The following RAI2 variants were observed in gnomAD, a reference collection of about 807,000 sequenced individuals.
The protein encoded by RAI2 is retinoic acid induced 2.
In RAI2, 5 loss-of-function variants were observed where a neutral mutation model predicts 15.3. The observed-to-expected ratio is 0.33, with a 90% CI of 0.17 to 0.69. RAI2 has a LOEUF of 0.69. RAI2 is among the 30% of genes least tolerant of loss of function. The pLI is 0.69. For synonymous variants in RAI2, 191 were observed against 184.0 expected (o/e 1.04, Z -0.31); for missense variants, 424 against 424.7 (o/e 1.00, Z 0.01).
At chrX:17,821,254 TCAA>T (rs1460677320) in intron 1 of RAI2, among the ~76,000 whole-genome samples, 1 of 111,997 alleles carries the variant, frequency 8.9e-6, no homozygotes, top group Non-Finnish European at 1.9e-5. Context: ...GTCCCCCGAC[TCAA>T]CAACATGTAG....
intron 1 of RAI2, among the ~76,000 whole-genome samples, chrX:17,819,577 A>T (rs2067142696): frequency 8.9e-6 from 1 of 112,768 alleles, no homozygotes; most frequent in African/African-American, 3.2e-5. Context: ...ACAAAATGGA[A>T]GCAACCTAAA....
intron 1 of RAI2, among the ~76,000 whole-genome samples, chrX:17,827,976 C>T (rs772621878): frequency 1.8e-5 from 2 of 110,663 alleles, no homozygotes; most frequent in East Asian, 5.7e-4. Flanking sequence ...ACAATTCTGT[C>T]CCTGTTGCCA....
chrX:17,800,247 T>C lies in RAI2; in HGVS notation c.*171A>G, dbSNP rs1456958173. On this transcript the variant is annotated 3_prime_UTR_variant, in exon 2 of 2. Coordinates refer to ENST00000451717, the MANE Select transcript of RAI2 (RefSeq NM_021785.6). ...TTACTCATTTGTGAAAAGTCAAAAA[T>C]TAAAAAAGAAAATGATACTAGCATA... The C allele has an allele frequency of 2.2e-5, 14 of 634,262 alleles. No individual in the cohort carries two copies. In the East Asian group the frequency reaches 5.3e-4, roughly 24 times the overall value. The allele number at this position is 634,262 out of a possible 1,213,427, so 52.3% of individuals were successfully genotyped here. A position where few individuals can be genotyped will look rare whatever the true frequency, so the allele number is the denominator to read the frequency against.
rs750222815 is a variant in RAI2, at chrX:17,802,937, G to A, written c.-24-903C>T. On this transcript the variant is annotated intron_variant, in intron 1 of 1. Coordinates refer to ENST00000451717, the MANE Select transcript of RAI2 (RefSeq NM_021785.6). ...TCCTGGTGGAAGCAGGGCTGCAGAT[G>A]CGATAGGGCTCTCCATGGAAACCTG... is the stretch of plus-strand genomic sequence containing the variant. 9.8e-5 allele frequency among the ~76,000 whole-genome samples: 11 copies of A among 111,908 alleles called. No homozygotes were observed. In the Admixed American group the frequency reaches 1.0e-3, roughly 11 times the overall value.
At position 17,800,405 on chromosome X, in the gene RAI2, A is replaced by T; in HGVS notation, c.*13T>A. 2.6e-6 allele frequency: 3 copies of T among 1,167,555 alleles called. No individual in the cohort carries two copies. Among genetic ancestry groups the T allele is most frequent in the Non-Finnish European group, 3.4e-6 (3 of 873,528 alleles). ...CCCATATTATAATCATACAAATTTT[A>T]AAAAGCCGTTATTTACTTTCTTGGA... On this transcript the variant is annotated 3_prime_UTR_variant, in exon 2 of 2. Transcript: ENST00000451717.
intron 1 of RAI2, among the ~76,000 whole-genome samples, chrX:17,844,213 C>T (rs1395092343): frequency 1.8e-5 from 2 of 112,478 alleles, no homozygotes; most frequent in Non-Finnish European, 3.8e-5. Context: ...ATGAAACCTA[C>T]GAAGAAGAGA....
chrX:17,803,513 A>G (rs1004309054), intron 1 of RAI2, among the ~76,000 whole-genome samples: 1 of 110,406 alleles, frequency 9.1e-6, no homozygotes, highest in Non-Finnish European at 1.9e-5. Context: ...CCTGGGTGAC[A>G]GAGTGAGACT....
chrX:17,841,956 G>A (rs2067402883), intron 1 of RAI2, among the ~76,000 whole-genome samples: 1 of 111,172 alleles, frequency 9.0e-6, no homozygotes, highest in African/African-American at 3.3e-5. Context: ...AAGTGCTCTA[G>A]GGCCCCAAGG....
chrX:17,813,368 G>A (rs1161510139), intron 1 of RAI2, among the ~76,000 whole-genome samples: 2 of 111,912 alleles, frequency 1.8e-5, no homozygotes, highest in Non-Finnish European at 3.8e-5. Flanking sequence ...TGATAAGGCT[G>A]AAGTATTATG....
chrX:17,809,576 T>A (rs752468626), intron 1 of RAI2, among the ~76,000 whole-genome samples: 1 of 111,646 alleles, frequency 9.0e-6, no homozygotes, highest in South Asian at 3.7e-4. Flanking sequence ...GGCATATAAA[T>A]CTAATTATAT....
At chrX:17,808,825 T>C (rs1441269093) in intron 1 of RAI2, among the ~76,000 whole-genome samples, 1 of 111,963 alleles carries the variant, frequency 8.9e-6, no homozygotes, top group Non-Finnish European at 1.9e-5. Flanking sequence ...CTAACCTAAT[T>C]CTGCATAAAA....
chrX:17,846,473 A>T (rs1038227330), intron 1 of RAI2, among the ~76,000 whole-genome samples: 2 of 111,988 alleles, frequency 1.8e-5, no homozygotes, highest in Admixed American at 9.4e-5. Flanking sequence ...TGACCTATTT[A>T]AAGCGTATGT....
intron 1 of RAI2, among the ~76,000 whole-genome samples, chrX:17,853,307 C>T (rs984372789): frequency 2.7e-5 from 3 of 111,829 alleles, no homozygotes; most frequent in African/African-American, 9.7e-5. Context: ...CACTTCCAAC[C>T]GTTAATTAAT....
rs1471015170 is a variant in RAI2, at chrX:17,801,444, C to T, written c.567G>A (p.Gln189=). Residue 189 remains glutamine, a synonymous_variant, in exon 2 of 2, where the codon CAG becomes CAA. Transcript: ENST00000451717. ...GAGTGCCCTGGGAGGGAAACAAATTCTGGAGCACAGCTTCAAATGGCAAAG... is the reference window on the plus strand; with the variant it reads ...GAGTGCCCTGGGAGGGAAACAAATTTTGGAGCACAGCTTCAAATGGCAAAG... ...EPTLPFEAVL[Q]NLFPSQGTLG... is the part of the protein sequence containing the mutation. 8.6e-7 allele frequency: 1 copy of T among 1,162,959 alleles called. No individual in the cohort carries two copies. Among genetic ancestry groups the T allele is most frequent in the Admixed American group, 2.6e-5 (1 of 39,092 alleles).
intron 1 of RAI2, chrX:17,837,553 TA>T (rs747721555): frequency 1.8e-5 from 2 of 112,323 alleles, no homozygotes; most frequent in East Asian, 5.6e-4. Flanking sequence ...AGGAGTAATT[TA>T]ATCACTGGGA....
At chrX:17,832,851 T>C (rs897547999) in intron 1 of RAI2, among the ~76,000 whole-genome samples, 1 of 112,138 alleles carries the variant, frequency 8.9e-6, no homozygotes, top group Non-Finnish European at 1.9e-5. Flanking sequence ...TGAAGCTCAC[T>C]TGAGTCTTAA....
At chrX:17,820,809 C>T (rs2067156273) in intron 1 of RAI2, among the ~76,000 whole-genome samples, 1 of 111,038 alleles carries the variant, frequency 9.0e-6, no homozygotes, top group African/African-American at 3.3e-5. Context: ...CATATTTGGG[C>T]TCCAAGGGTC....
In RAI2 at chrX:17,800,435, A is replaced by G. The variant is rs1400265131; in HGVS notation, c.1576T>C (p.Phe526Leu). ...GCCGTTATTTACTTTCTTGGAAAAA[A>G]GGTGGCCAGCCGTTGTTTTTTGATT... ...LPIKKQRLAT[F>L]FPRK Residue 526 changes from phenylalanine (F) to leucine (L), a missense_variant, in exon 2 of 2, where the codon TTT becomes CTT. Phe to Leu is a conservative substitution (Grantham distance 22). Coordinates refer to ENST00000451717, the MANE Select transcript of RAI2 (RefSeq NM_021785.6). The G allele has an allele frequency of 8.4e-7, 1 of 1,186,510 alleles. No homozygotes were observed. The highest frequency in any genetic ancestry group is 1.9e-5 in the South Asian group (1 of 52,941).
intron 1 of RAI2, among the ~76,000 whole-genome samples, chrX:17,810,270 G>T (rs1286197553): frequency 1.9e-4 from 21 of 112,209 alleles, no homozygotes; most frequent in Non-Finnish European, 1.9e-5. Flanking sequence ...TATAGAGTCA[G>T]CACAGTCAGT....
Sources: gnomAD v4.1 joint callset for allele counts (sites outside exome capture counted in the v4.1 genomes callset) on GRCh38, gnomAD v4.1.1 for gene constraint, MANE v1.5 for transcripts, NCBI Gene and HGNC (gene_info 2026-07-23, HGNC 2026-07-21) for gene names.